MDGA1: variants seen among roughly 807,000 people sequenced by gnomAD.
MDGA1 encodes MAM domain-containing glycosylphosphatidylinositol anchor protein 1.
Under a neutral mutation model 101.5 loss-of-function variants are expected in MDGA1, and 54 were observed. That is an observed-to-expected ratio of 0.53 (90% CI 0.43 to 0.67). MDGA1 has a LOEUF of 0.67. MDGA1 is among the 30% of genes least tolerant of loss of function. The pLI is 0.00. For missense variants in MDGA1, 1,083 were observed against 1,323.8 expected (o/e 0.82, Z 2.82); for synonymous variants, 533 against 558.3 (o/e 0.95, Z 0.64).
rs1209278197 is a variant in MDGA1, at chr6:37,643,551, C to T, written c.2536+258G>A. ...CCTCCCAAAGGGTTGGGATTACAGG[C>T]GTGAGCCACCATGTCCGTCCCCTGC... is the stretch of plus-strand genomic sequence containing the variant. On this transcript the variant is annotated intron_variant, in intron 14 of 16. Transcript: ENST00000434837. 3.3e-5 allele frequency among the ~76,000 whole-genome samples: 5 copies of T among 152,212 alleles called. No homozygotes were observed. In the South Asian group the frequency reaches 8.3e-4, roughly 25 times the overall value.
rs749931725 is a variant in MDGA1 at position 37,664,013 on chromosome 6, T to C, written c.161A>G (p.Asp54Gly). Residue 54 changes from aspartate to glycine, a missense_variant, in exon 2 of 17, where the codon GAC (aspartate) becomes GGC (glycine). Asp to Gly is a moderately conservative substitution (Grantham distance 94, BLOSUM62 -1). This residue lies in a region of MDGA1 where 310 missense variants were observed against 355.9 expected (regional missense o/e 0.87). Transcript: ENST00000434837. ...TACAAGGCACTGCAGCATGAGGGTG[T>C]CCCCCTCCCGGATGGTGTAGACACG... is the stretch of plus-strand genomic sequence containing the variant. ...SERVYTIREG[D>G]TLMLQCLVTG... 4.3e-6 allele frequency: 7 copies of C among 1,613,870 alleles called. No individual in the cohort carries two copies. Among genetic ancestry groups the C allele is most frequent in the Non-Finnish European group, 5.9e-6 (7 of 1,179,838 alleles).
At chr6:37,692,681 C>T (rs1393513419) in intron 1 of MDGA1, among the ~76,000 whole-genome samples, 2 of 152,130 alleles carry the variant, frequency 1.3e-5, no homozygotes, top group Non-Finnish European at 2.9e-5. Context: ...ATTCCACCCC[C>T]CTTCCCCCCC....
chr6:37,642,308 C>T (rs966406772), intron 14 of MDGA1, among the ~76,000 whole-genome samples: 1 of 151,294 alleles, frequency 6.6e-6, no homozygotes, highest in Non-Finnish European at 1.5e-5. Context: ...AGCCTCCTTA[C>T]AGGCACCTGC....
rs1193148195 is a variant in MDGA1, at chr6:37,643,912, A to T, written c.2433T>A (p.Pro811=). The T allele has an allele frequency of 2.5e-6, 4 of 1,613,880 alleles. No homozygotes were observed. Among genetic ancestry groups the T allele is most frequent in the Non-Finnish European group, 3.4e-6 (4 of 1,179,844 alleles). Residue 811 remains proline (P), a synonymous_variant, in exon 14 of 17, where the codon CCT becomes CCA. Coordinates refer to ENST00000434837, the MANE Select transcript of MDGA1 (RefSeq NM_153487.4). ...ACCTTGCACGGTCCCCCAGCTCCCG[A>T]GGCCTCGATGTCTCGATGAACATGT... ...GYYMFIETSR[P]RELGDRARLV... is the part of the protein sequence containing the mutation.
intron 1 of MDGA1, among the ~76,000 whole-genome samples, chr6:37,692,995 C>A (rs1762345877): frequency 6.6e-6 from 1 of 152,210 alleles, no homozygotes; most frequent in South Asian, 2.1e-4. Flanking sequence ...TCTGGGGACC[C>A]CTCACACTGG....
At chr6:37,650,817 T>C (rs1246309510) in intron 7 of MDGA1, among the ~76,000 whole-genome samples, 1 of 152,232 alleles carries the variant, frequency 6.6e-6, no homozygotes, top group Non-Finnish European at 1.5e-5. Context: ...CCTACATCCT[T>C]GCCCTTTCGT....
chr6:37,688,870 G>C (rs1240230999), intron 1 of MDGA1, among the ~76,000 whole-genome samples: 1 of 152,170 alleles, frequency 6.6e-6, no homozygotes, highest in Non-Finnish European at 1.5e-5. Context: ...TGCCCACCTG[G>C]CCCTCCAACC....
intron 3 of MDGA1, 114 bp from the exon 4 acceptor site, chr6:37,656,010 T>C: frequency 1.2e-6 from 1 of 830,684 alleles, no homozygotes; most frequent in South Asian, 1.9e-5. Flanking sequence ...CATTTCCAGA[T>C]TGCCAGATGC....
rs1763826367 is a variant in MDGA1 at position 37,631,694 on chromosome 6, TG to T, written c.*5673del. On this transcript the variant is annotated 3_prime_UTR_variant, in exon 17 of 17. Transcript: ENST00000434837. ...GCAAGCCCATCTCACCTACAATATA[TG>T]AGTAGATGTTTGAAATAAGTGACCT... 6.6e-6 allele frequency: 1 copy of T among 152,136 alleles called. No individual in the cohort carries two copies. Among genetic ancestry groups the T allele is most frequent in the South Asian group, 2.1e-4 (1 of 4,832 alleles). The allele number at this position is 152,136 out of a possible 1,614,324, so 9.4% of individuals were successfully genotyped here. A position where few individuals can be genotyped will look rare whatever the true frequency, so the allele number is the denominator to read the frequency against.
Position 37,696,935 on chromosome 6 carries a change from G to A in MDGA1, c.-124C>T. The stretch of plus-strand genomic sequence containing the variant: ...TTCCCTGAGAGGTGAGAGAGAGAGC[G>A]GCGACGAAGACCAGGAGACTGAAGA... On this transcript the variant is annotated 5_prime_UTR_variant, in exon 1 of 17. Transcript: ENST00000434837. The surrounding 1 kb of genome is among the most constrained non-coding windows in gnomAD (Gnocchi z 5.6). 2 of 801,364 alleles carry A rather than the reference G, an allele frequency of 2.5e-6. No homozygotes were observed. Among genetic ancestry groups the A allele is most frequent in the Non-Finnish European group, 2.1e-6 (1 of 478,392 alleles). The allele number at this position is 801,364 out of a possible 1,614,324, so 49.6% of individuals were successfully genotyped here. A position where few individuals can be genotyped will look rare whatever the true frequency, so the allele number is the denominator to read the frequency against.
At chr6:37,661,532 A>C (rs1018938734) in intron 2 of MDGA1, among the ~76,000 whole-genome samples, 2 of 152,226 alleles carry the variant, frequency 1.3e-5, no homozygotes, top group African/African-American at 2.4e-5. Context: ...GCAGATGCTC[A>C]ATAAATATTT....
At position 37,635,452 on chromosome 6, in the gene MDGA1, G is replaced by A. The variant is rs1252367802; in HGVS notation, c.*1916C>T. 1.0e-5 allele frequency: 4 copies of A among 398,630 alleles called. No individual in the cohort carries two copies. Among genetic ancestry groups the A allele is most frequent in the African/African-American group, 4.1e-5 (2 of 48,634 alleles). 24.7% of individuals were successfully genotyped at this position (398,630 alleles called of 1,614,324 possible). On this transcript the variant is annotated 3_prime_UTR_variant, in exon 17 of 17. Transcript: ENST00000434837. ...CGATGGAAGTGTATGCTGAGAACCTGGAGCGACTCATTTCAGACAGAGGCC... is the reference window on the plus strand; with the variant it reads ...CGATGGAAGTGTATGCTGAGAACCTAGAGCGACTCATTTCAGACAGAGGCC...
chr6:37,660,114 A>C (rs1450785252), intron 2 of MDGA1, among the ~76,000 whole-genome samples: 4 of 150,824 alleles, frequency 2.7e-5, no homozygotes, highest in Non-Finnish European at 5.9e-5. Context: ...CTTGGGCTCA[A>C]GGATCCTCCT....
rs185780930 is a variant in MDGA1, at chr6:37,632,077, C to T, written c.*5291G>A. 1.2e-4 allele frequency: 18 copies of T among 152,306 alleles called. No individual in the cohort carries two copies. The East Asian group carries it at 3.5e-3, about 29-fold the overall frequency. 9.4% of individuals were successfully genotyped at this position (152,306 alleles called of 1,614,324 possible). A position where few individuals can be genotyped will look rare whatever the true frequency, so the allele number is the denominator to read the frequency against. On this transcript the variant is annotated 3_prime_UTR_variant, in exon 17 of 17. Transcript: ENST00000434837. ...TGTTCCCTCTGCTCAGAAGCCTCTC[C>T]CAATCCCAACAGGCTAACTCCAATC...
intron 7 of MDGA1, among the ~76,000 whole-genome samples, chr6:37,650,799 T>G (rs777286284): frequency 6.6e-6 from 1 of 152,258 alleles, no homozygotes; most frequent in Non-Finnish European, 1.5e-5. Context: ...CACAGGCTGC[T>G]AGTCTGTCCT....
chr6:37,685,041 C>T (rs1384683900), intron 1 of MDGA1, among the ~76,000 whole-genome samples: 3 of 152,184 alleles, frequency 2.0e-5, no homozygotes, highest in Admixed American at 6.5e-5. Context: ...GTGGCTCATA[C>T]TTGTAATCTG....
intron 9 of MDGA1, 31 bp downstream of exon 9, chr6:37,648,951 G>T (rs1761285132): frequency 1.9e-6 from 3 of 1,541,798 alleles, no homozygotes; most frequent in Non-Finnish European, 2.6e-6. Context: ...GGTGGGCGTG[G>T]TAGGTGGGGC....
At chr6:37,683,924 T>C (rs1388560017) in intron 1 of MDGA1, among the ~76,000 whole-genome samples, 2 of 152,198 alleles carry the variant, frequency 1.3e-5, no homozygotes, top group Non-Finnish European at 2.9e-5. Context: ...CTGTCCATGG[T>C]GTCCACTACG....
rs1761187996 is a variant in MDGA1 at position 37,646,135 on chromosome 6, G to A, written c.2224+63C>T. ...CCAAGCTTAGGAACCACATGAGGAT[G>A]GTGAAAGGGGTCCCTGGCCATGAGA... On this transcript the variant is annotated intron_variant, in intron 11 of 16. Transcript: ENST00000434837. 8 of 1,548,852 alleles carry A rather than the reference G, an allele frequency of 5.2e-6. No individual in the cohort carries two copies. In the East Asian group the frequency reaches 7.0e-5, roughly 14 times the overall value.
Sources: allele counts gnomAD v4.1 joint callset (sites outside exome capture counted in the v4.1 genomes callset), GRCh38; gene constraint gnomAD v4.1.1; regional missense constraint gnomAD v4.1.1; non-coding constraint Gnocchi (gnomAD v3.1); transcripts MANE v1.5; gene names NCBI Gene and HGNC (gene_info 2026-07-23, HGNC 2026-07-21).